Variants in GABRB1 observed in about 807,000 individuals in gnomAD.
GABRB1 encodes gamma-aminobutyric acid receptor subunit beta-1.
GABRB1 carries 17 observed loss-of-function variants against 51.6 expected under a neutral mutation model. That is an observed-to-expected ratio of 0.33 (90% CI 0.23 to 0.49). The LOEUF (loss-of-function observed/expected upper bound fraction) is 0.49. GABRB1 is among the 20% of genes least tolerant of loss of function. GABRB1 has a pLI of 0.99. For missense variants in GABRB1, 410 were observed against 600.6 expected (o/e 0.68, Z 3.32); for synonymous variants, 247 against 218.9 (o/e 1.13, Z -1.14).
chr4:47,376,151 G>A (rs1451259546), intron 5 of GABRB1, among the ~76,000 whole-genome samples: 2 of 152,186 alleles, frequency 1.3e-5, no homozygotes, highest in African/African-American at 4.8e-5. Context: ...AAGGAACATT[G>A]GAGTTTTGGG....
intron 4 of GABRB1, among the ~76,000 whole-genome samples, chr4:47,183,345 CATATATATATATATAT>C (rs57840134): frequency 2.3e-4 from 29 of 124,434 alleles, no homozygotes; most frequent in Admixed American, 8.2e-4. Flanking sequence ...TGTGTGTGTG[CATATATATATATATAT>C]ATATATATAT....
intron 4 of GABRB1, among the ~76,000 whole-genome samples, chr4:47,282,720 A>G (rs549646916): frequency 6.6e-6 from 1 of 152,370 alleles, no homozygotes; most frequent in African/African-American, 2.4e-5. Context: ...TATTGAATCA[A>G]ATTTCTAAAA....
chr4:47,001,266 C>G (rs942569265), intron 1 of GABRB1, among the ~76,000 whole-genome samples: 3 of 152,042 alleles, frequency 2.0e-5, no homozygotes, highest in African/African-American at 7.2e-5. Flanking sequence ...CCTCAGCCTC[C>G]CGAGTAGCTG....
At chr4:47,266,505 AT>A (rs1008449309) in intron 4 of GABRB1, among the ~76,000 whole-genome samples, 15 of 152,218 alleles carry the variant, frequency 9.9e-5, no homozygotes, top group African/African-American at 2.2e-4. Flanking sequence ...ATTAATTACA[AT>A]TTAGTTTCTG....
intron 3 of GABRB1, among the ~76,000 whole-genome samples, chr4:47,117,429 C>T (rs951342222): frequency 2.6e-5 from 4 of 152,112 alleles, no homozygotes; most frequent in African/African-American, 4.8e-5. Flanking sequence ...ACTGGGTGAA[C>T]CATTTGTTTA....
upstream of GABRB1, among the ~76,000 whole-genome samples, chr4:47,030,781 A>T (rs1725264443): frequency 6.6e-6 from 1 of 152,108 alleles, no homozygotes; most frequent in Non-Finnish European, 1.5e-5. Context: ...CACAAATACC[A>T]CCTTAAATGC....
At chr4:47,409,708 C>T (rs7693953) in intron 8 of GABRB1, among the ~76,000 whole-genome samples, 1 of 152,114 alleles carries the variant, frequency 6.6e-6, no homozygotes. Context: ...GGAACTACCC[C>T]CTTCTTTCCA....
intron 5 of GABRB1, among the ~76,000 whole-genome samples, chr4:47,353,257 C>G (rs1343083165): frequency 1.3e-5 from 2 of 152,148 alleles, no homozygotes; most frequent in Non-Finnish European, 2.9e-5. Flanking sequence ...ACAGCCAAAC[C>G]ATATCAAACT....
At chr4:47,262,967 C>T (rs1167861895) in intron 4 of GABRB1, among the ~76,000 whole-genome samples, 2 of 145,378 alleles carry the variant, frequency 1.4e-5, no homozygotes, top group East Asian at 2.0e-4. Flanking sequence ...ACCGCATGTT[C>T]TCACTCATAG....
intron 3 of GABRB1, among the ~76,000 whole-genome samples, chr4:47,141,834 A>G (rs1716951145): frequency 6.6e-6 from 1 of 151,992 alleles, no homozygotes; most frequent in Non-Finnish European, 1.5e-5. Context: ...TTGTGTTAAC[A>G]AGTGCCTAGC....
At chr4:47,239,370 T>A (rs1378726005) in intron 4 of GABRB1, among the ~76,000 whole-genome samples, 4 of 152,226 alleles carry the variant, frequency 2.6e-5, no homozygotes, top group Non-Finnish European at 4.4e-5. Context: ...TTCCTATTAG[T>A]GAACTTCTTT....
At chr4:47,116,221 T>C (rs1222509797) in intron 3 of GABRB1, among the ~76,000 whole-genome samples, 1 of 152,218 alleles carries the variant, frequency 6.6e-6, no homozygotes, top group Non-Finnish European at 1.5e-5. Flanking sequence ...AGGTTTGATT[T>C]GTGTTTTTTT....
intron 5 of GABRB1, among the ~76,000 whole-genome samples, chr4:47,361,078 G>C (rs1726789409): frequency 1.3e-5 from 2 of 152,072 alleles, no homozygotes; most frequent in Non-Finnish European, 2.9e-5. Context: ...TTTAAACCTA[G>C]TTAATTTGGC....
At chr4:47,242,133 G>A (rs1191681542) in intron 4 of GABRB1, among the ~76,000 whole-genome samples, 2 of 151,964 alleles carry the variant, frequency 1.3e-5, no homozygotes, top group Non-Finnish European at 2.9e-5. Context: ...GAGAACATGC[G>A]GTGTTTGGTT....
At chr4:47,417,300 G>A (rs1004145222) in intron 8 of GABRB1, among the ~76,000 whole-genome samples, 3 of 151,744 alleles carry the variant, frequency 2.0e-5, no homozygotes, top group Non-Finnish European at 2.9e-5. Context: ...TCTATTTCCT[G>A]AATAATATAA....
At position 47,198,073 on chromosome 4, in the gene GABRB1, T is replaced by C. The variant is rs551792589; in HGVS notation, c.461+36604T>C. 7.2e-5 allele frequency among the ~76,000 whole-genome samples: 11 copies of C among 152,280 alleles called. No homozygotes were observed. In the East Asian group the frequency reaches 2.1e-3, roughly 29 times the overall value. ...TTGCCTTGGGGTCAGGTATATTGCCTGGCAGCAGCATGTTCAAGGAAGTGC... is the reference window on the plus strand; with the variant it reads ...TTGCCTTGGGGTCAGGTATATTGCCCGGCAGCAGCATGTTCAAGGAAGTGC... On this transcript the variant is annotated intron_variant, in intron 4 of 8. Transcript: ENST00000295454.
intron 4 of GABRB1, among the ~76,000 whole-genome samples, chr4:47,200,574 G>A (rs1453873456): frequency 6.6e-6 from 1 of 152,054 alleles, no homozygotes; most frequent in Non-Finnish European, 1.5e-5. Flanking sequence ...AGACAGTTTT[G>A]AATTTATGTA....
At chr4:47,097,671 G>C (rs1046646113) in intron 3 of GABRB1, among the ~76,000 whole-genome samples, 1 of 152,002 alleles carries the variant, frequency 6.6e-6, no homozygotes, top group African/African-American at 2.4e-5. Flanking sequence ...GCACATAGTA[G>C]GTGCTTAATA....
intron 5 of GABRB1, among the ~76,000 whole-genome samples, chr4:47,396,338 C>T (rs1728180476): frequency 6.6e-6 from 1 of 152,152 alleles, no homozygotes; most frequent in Non-Finnish European, 1.5e-5. Context: ...AATTATCTCC[C>T]ACCAGGTCCC....
Sources: gnomAD v4.1 joint callset for allele counts (sites outside exome capture counted in the v4.1 genomes callset) on GRCh38, gnomAD v4.1.1 for gene constraint, MANE v1.5 for transcripts, NCBI Gene and HGNC (gene_info 2026-07-23, HGNC 2026-07-21) for gene names.